The following SCFD2 variants were observed in gnomAD, a reference collection of about 807,000 sequenced individuals.
The protein encoded by SCFD2 is sec1 family domain containing 2, also known as sec1 family domain-containing protein 2.
Under a neutral mutation model 58.9 loss-of-function variants are expected in SCFD2, and 54 were observed. The observed-to-expected ratio is 0.92, with a 90% CI of 0.74 to 1.15. The LOEUF (loss-of-function observed/expected upper bound fraction) is 1.15. SCFD2 is among the 50% of genes most tolerant of loss of function. The pLI is 0.00. For missense variants in SCFD2, 805 were observed against 836.6 expected (o/e 0.96, Z 0.47); for synonymous variants, 321 against 335.9 (o/e 0.96, Z 0.49).
intron 5 of SCFD2, among the ~76,000 whole-genome samples, chr4:53,012,097 A>G (rs1322734958): frequency 2.0e-5 from 3 of 151,986 alleles, no homozygotes; most frequent in African/African-American, 2.4e-5. Flanking sequence ...TTCCAAAAAC[A>G]ACAGCAAGAA....
At chr4:53,248,454 T>A (rs1458401457) in intron 4 of SCFD2, among the ~76,000 whole-genome samples, 2 of 152,162 alleles carry the variant, frequency 1.3e-5, no homozygotes, top group Non-Finnish European at 2.9e-5. Flanking sequence ...CTCTGTAGGC[T>A]CCACCTCTAG....
chr4:53,157,326 T>C (rs1726720150), intron 4 of SCFD2, among the ~76,000 whole-genome samples: 1 of 152,182 alleles, frequency 6.6e-6, no homozygotes, highest in Admixed American at 6.5e-5. Flanking sequence ...AAAAAGCTCA[T>C]TGATAGGGTT....
intron 2 of SCFD2, among the ~76,000 whole-genome samples, chr4:53,317,664 G>A (rs1033543482): frequency 1.3e-5 from 2 of 152,230 alleles, no homozygotes; most frequent in Non-Finnish European, 2.9e-5. Context: ...GCAACGGCCA[G>A]TGTGGTAGAT....
chr4:53,322,350 C>T (rs1347924485), intron 2 of SCFD2, among the ~76,000 whole-genome samples: 8 of 152,156 alleles, frequency 5.3e-5, no homozygotes, highest in Non-Finnish European at 1.0e-4. Flanking sequence ...GACACTCCCA[C>T]CAGCACCATG....
At chr4:52,951,903 GC>G (rs1277910524) in intron 5 of SCFD2, among the ~76,000 whole-genome samples, 4 of 152,152 alleles carry the variant, frequency 2.6e-5, no homozygotes, top group African/African-American at 7.2e-5. Context: ...TGTTACTGCA[GC>G]AAAACTTAAT....
intron 5 of SCFD2, among the ~76,000 whole-genome samples, chr4:53,139,628 T>TG (rs1312135153): frequency 1.8e-4 from 26 of 142,432 alleles, no homozygotes; most frequent in African/African-American, 5.7e-4. Context: ...GTCTGGGAGG[T>TG]GGGGGGCGCC....
chr4:52,965,622 G>A (rs73814902), intron 5 of SCFD2, among the ~76,000 whole-genome samples: 97 of 152,330 alleles, frequency 6.4e-4, no homozygotes, highest in African/African-American at 2.1e-3. Context: ...GAGGCTGTGC[G>A]TTGCCCACTT....
At chr4:53,274,903 A>G (rs552688329) in intron 3 of SCFD2, among the ~76,000 whole-genome samples, 2 of 152,304 alleles carry the variant, frequency 1.3e-5, no homozygotes, top group East Asian at 1.9e-4. Flanking sequence ...ATTCATTCCT[A>G]TATGTTTCAC....
intron 8 of SCFD2, among the ~76,000 whole-genome samples, chr4:52,883,920 G>T (rs1718676014): frequency 6.6e-6 from 1 of 152,182 alleles, no homozygotes; most frequent in African/African-American, 2.4e-5. Flanking sequence ...GTCTGCTGTA[G>T]CTCTCTAGGT....
chr4:52,986,435 G>A (rs1188593661), intron 5 of SCFD2, among the ~76,000 whole-genome samples: 1 of 151,738 alleles, frequency 6.6e-6, no homozygotes, highest in Non-Finnish European at 1.5e-5. Flanking sequence ...GGTGTTACAG[G>A]GGATGAAGAG....
chr4:53,231,602 G>A (rs1400531296), intron 4 of SCFD2, among the ~76,000 whole-genome samples: 1 of 152,028 alleles, frequency 6.6e-6, no homozygotes, highest in Non-Finnish European at 1.5e-5. Context: ...TTATTCTTAA[G>A]GAGAATTTAA....
At chr4:53,218,623 A>C (rs1383491639) in intron 4 of SCFD2, among the ~76,000 whole-genome samples, 2 of 152,172 alleles carry the variant, frequency 1.3e-5, no homozygotes, top group Non-Finnish European at 2.9e-5. Flanking sequence ...TGATCGTCTG[A>C]AGCCTTCTTC....
intron 3 of SCFD2, among the ~76,000 whole-genome samples, chr4:53,301,968 A>G (rs1349113639): frequency 2.6e-5 from 4 of 152,184 alleles, no homozygotes; most frequent in Admixed American, 2.6e-4. Flanking sequence ...AATAAGAGCT[A>G]TCTATGACAA....
intron 4 of SCFD2, among the ~76,000 whole-genome samples, chr4:53,259,963 T>G (rs1446755511): frequency 3.3e-5 from 5 of 151,912 alleles, no homozygotes; most frequent in Non-Finnish European, 7.4e-5. Context: ...CCAGGTATTT[T>G]TTTTTTTTTT....
intron 5 of SCFD2, among the ~76,000 whole-genome samples, chr4:52,933,662 GAGA>G (rs1161914076): frequency 2.0e-5 from 3 of 152,314 alleles, no homozygotes; most frequent in African/African-American, 7.2e-5. Flanking sequence ...CTGGACAGCT[GAGA>G]AGGTCTTAGC....
intron 4 of SCFD2, among the ~76,000 whole-genome samples, chr4:53,229,064 G>A (rs1729331365): frequency 6.6e-6 from 1 of 152,038 alleles, no homozygotes; most frequent in African/African-American, 2.4e-5. Flanking sequence ...ACCTTACAAG[G>A]GATGTGAAGG....
intron 5 of SCFD2, among the ~76,000 whole-genome samples, chr4:53,045,468 G>A (rs1723017495): frequency 6.6e-6 from 1 of 151,816 alleles, no homozygotes; most frequent in African/African-American, 2.4e-5. Flanking sequence ...ATTTTTAAAG[G>A]TTTGAATACT....
At chr4:52,911,314 C>A (rs977831481) in intron 6 of SCFD2, among the ~76,000 whole-genome samples, 7 of 151,964 alleles carry the variant, frequency 4.6e-5, no homozygotes, top group African/African-American at 1.7e-4. Flanking sequence ...ACACTAGGAT[C>A]ACTCTCACTC....
At chr4:53,005,556 A>G (rs573564192) in intron 5 of SCFD2, among the ~76,000 whole-genome samples, 167 of 152,294 alleles carry the variant, frequency 1.1e-3, no homozygotes, top group Middle Eastern at 6.8e-3. Context: ...TCCTTCATCG[A>G]TAAGTAAGGC....
Sources: allele counts gnomAD v4.1 joint callset (sites outside exome capture counted in the v4.1 genomes callset), GRCh38; gene constraint gnomAD v4.1.1; transcripts MANE v1.5; gene names NCBI Gene and HGNC (gene_info 2026-07-23, HGNC 2026-07-21).